The following NUP160 variants were observed in gnomAD, a reference collection of about 807,000 sequenced individuals.
NUP160 encodes the protein nucleoporin 160.
In NUP160, 94 loss-of-function variants were observed where a neutral mutation model predicts 196.9. The observed-to-expected ratio is 0.48, with a 90% confidence interval of 0.40 to 0.57. The LOEUF (loss-of-function observed/expected upper bound fraction) is 0.57. Ranked by LOEUF, NUP160 falls within the 20% of genes least tolerant of loss-of-function variation. NUP160 has a pLI of 0.00. For missense variants in NUP160, 1,638 were observed against 1,748.3 expected (o/e 0.94, Z 1.13); for synonymous variants, 605 against 619.7 (o/e 0.98, Z 0.35).
At chr11:47,778,953 T>TTCCGCCCTCC in exon 36 of NUP160, 1 of 605,714 alleles carries the variant, frequency 1.7e-6, no homozygotes, top group Admixed American at 2.9e-5. Flanking sequence ...CCTCTGACTC[T>TTCCGCCCTCC]TCCGCCCTCC....
exon 13 of NUP160, chr11:47,815,605 A>T (rs1282342180): frequency 1.9e-6 from 3 of 1,611,998 alleles, no homozygotes; most frequent in Non-Finnish European, 2.5e-6. Flanking sequence ...GTAAATTTCG[A>T]AACTCCTCCT....
chr11:47,844,348 G>A (rs1599352683), intron 2 of NUP160, among the ~76,000 whole-genome samples: 1 of 152,102 alleles, frequency 6.6e-6, no homozygotes. Flanking sequence ...ACCTTCCACA[G>A]CTTCTTCTCA....
At chr11:47,780,486 T>G in intron 34 of NUP160, 39 bp from the exon 35 acceptor site, 1 of 1,370,760 alleles carries the variant, frequency 7.3e-7, no homozygotes, top group Non-Finnish European at 1.0e-6. Flanking sequence ...GTCTGCAAAG[T>G]GTACCATTTC....
Position 47,812,990 on chromosome 11 carries a change from T to A in NUP160, c.1844A>T (p.Glu615Val), listed in dbSNP as rs748939629. 21 of 1,612,732 alleles carry A rather than the reference T, an allele frequency of 1.3e-5. No individual in the cohort carries two copies. In the South Asian group the frequency reaches 2.2e-4, roughly 17 times the overall value. Residue 615 changes from glutamate (E) to valine (V), a missense_variant, in exon 15 of 36, where the codon GAG (glutamate) becomes GTG (valine). Physicochemically the swap from Glu to Val is moderately radical, Grantham distance 121 (BLOSUM62 -2). Transcript: ENST00000378460. ...AACTGACATATCCACAGTTACTGAC[T>A]CTTCAATCAGCCGGAGGCATTTTAT...
chr11:47,847,953 GCAGTC>G lies in NUP160; in HGVS notation c.204_208del (p.Thr69LysfsTer11). 6.2e-7 allele frequency: 1 copy of G among 1,613,478 alleles called. No individual in the cohort carries two copies. Among genetic ancestry groups the G allele is most frequent in the Non-Finnish European group, 8.5e-7 (1 of 1,179,420 alleles). ...TTTTACGGCGCCAGCCACGGCATTT[GCAGTC>G]CCTGCAAAATGAACGTGGTCAGCCT... On this transcript the variant is annotated frameshift_variant and splice_region_variant, in exon 2 of 36. Transcript: ENST00000378460. LOFTEE classifies it high-confidence loss of function.
At chr11:47,829,078 A>C (rs1025231492) in intron 7 of NUP160, among the ~76,000 whole-genome samples, 1 of 152,200 alleles carries the variant, frequency 6.6e-6, no homozygotes, top group Non-Finnish European at 1.5e-5. Flanking sequence ...AAAAGCAACA[A>C]AAGAAAAAAT....
chr11:47,820,926 T>A (rs1851843958), intron 9 of NUP160, among the ~76,000 whole-genome samples: 1 of 152,132 alleles, frequency 6.6e-6, no homozygotes, highest in Non-Finnish European at 1.5e-5. Flanking sequence ...CAGGCAATCC[T>A]CCCACCTTAG....
chr11:47,847,855 T>C (rs760454805), exon 2 of NUP160: 3 of 1,611,028 alleles, frequency 1.9e-6, no homozygotes, highest in Non-Finnish European at 2.5e-6. Context: ...TACCAATGAA[T>C]GAACCTGTTT....
exon 12 of NUP160, chr11:47,816,003 A>T (rs749842229): frequency 3.8e-5 from 62 of 1,613,564 alleles, no homozygotes; most frequent in Non-Finnish European, 5.1e-5. Flanking sequence ...AAAGATCCAA[A>T]TTCCTCTCAG....
Position 47,819,143 on chromosome 11 carries a change from G to A in NUP160, c.1362+231C>T, listed in dbSNP as rs1162234469. Among the ~76,000 whole-genome samples the A allele has an allele frequency of 5.9e-5, 9 of 151,896 alleles. No individual in the cohort carries two copies. In the South Asian group the frequency reaches 6.2e-4, roughly 11 times the overall value. ...AGCCTGAACAACATGGTGAAACCCCGTCTCTACAAAAGTACAAAAATTAGC... is the reference window on the plus strand; with the variant it reads ...AGCCTGAACAACATGGTGAAACCCCATCTCTACAAAAGTACAAAAATTAGC... On this transcript the variant is annotated intron_variant, in intron 10 of 35. Coordinates refer to ENST00000378460, the Ensembl canonical transcript of NUP160.
chr11:47,798,372 CT>C lies in NUP160; in HGVS notation c.2986del (p.Ser996ValfsTer5). ...CAAATTGCAGCCAATTCTTACCTGACTTTTCCAGTCATCACCTGCTTCAGTT... is the reference window on the plus strand; with the variant it reads ...CAAATTGCAGCCAATTCTTACCTGACTTTCCAGTCATCACCTGCTTCAGTT... On this transcript the variant is annotated frameshift_variant, in exon 24 of 36. Transcript: ENST00000378460. LOFTEE classifies it high-confidence loss of function. The C allele has an allele frequency of 6.2e-7, 1 of 1,607,708 alleles. No homozygotes were observed. The highest frequency in any genetic ancestry group is 8.5e-7 in the Non-Finnish European group (1 of 1,174,576).
exon 36 of NUP160, chr11:47,778,863 T>C (rs1045683663): frequency 2.5e-5 from 9 of 359,992 alleles, no homozygotes; most frequent in African/African-American, 1.9e-4. Context: ...AAAAAGCTCG[T>C]GAATCATATA....
intron 3 of NUP160, 144 bp downstream of exon 3, chr11:47,840,234 T>C (rs770897802): frequency 4.7e-6 from 4 of 851,070 alleles, no homozygotes; most frequent in Non-Finnish European, 5.9e-6. Flanking sequence ...CTGATCATTT[T>C]AAGCGGTAGC....
At chr11:47,802,785 G>A (rs1044325671) in intron 22 of NUP160, among the ~76,000 whole-genome samples, 3 of 151,686 alleles carry the variant, frequency 2.0e-5, no homozygotes, top group Non-Finnish European at 2.9e-5. Flanking sequence ...GACCAGCCTG[G>A]GCAACATGGG....
intron 20 of NUP160, among the ~76,000 whole-genome samples, chr11:47,805,290 C>G (rs1481638996): frequency 6.6e-6 from 1 of 151,816 alleles, no homozygotes; most frequent in African/African-American, 2.4e-5. Flanking sequence ...CCACCAAGCC[C>G]AGCTAATTTT....
rs774668683 is a variant in NUP160 at position 47,812,018 on chromosome 11, A to G, written c.2241+46T>C. The G allele has an allele frequency of 5.0e-6, 8 of 1,598,464 alleles. No homozygotes were observed. The Admixed American group carries it at 1.0e-4, about 20-fold the overall frequency. ...TTTGCTCCTAAGTGCTTGTAGGCCT[A>G]TAACAGGTTTTAGATTTTACAAGTT... On this transcript the variant is annotated intron_variant, in intron 17 of 35. Transcript: ENST00000378460.
intron 14 of NUP160, 105 bp from the exon 15 acceptor site, chr11:47,813,152 G>C: frequency 3.0e-6 from 3 of 1,016,784 alleles, no homozygotes; most frequent in Non-Finnish European, 4.4e-6. Context: ...ATCTATCTGA[G>C]GTCTCAGAGA....
At position 47,846,395 on chromosome 11, in the gene NUP160, A is replaced by T. The variant is rs915562653; in HGVS notation, c.314+1453T>A. On this transcript the variant is annotated intron_variant, in intron 2 of 35. Transcript: ENST00000378460. ...AAAGGGCTGCTCCCCAGGTACTTCA[A>T]ATTTACTATGTCCAATAGAATTATT... Among the ~76,000 whole-genome samples the T allele has an allele frequency of 7.9e-5, 12 of 152,128 alleles. 1 individual carries two copies. The South Asian group carries it at 2.5e-3, about 32-fold the overall frequency.
intron 19 of NUP160, among the ~76,000 whole-genome samples, chr11:47,806,792 C>T (rs11039406): frequency 0.16 from 1,950 of 12,346 alleles, 71 homozygotes; most frequent in South Asian, 0.25. Context: ...AGCAGCTATA[C>T]ACACACACAC....
Sources: gnomAD v4.1 joint callset for allele counts (sites outside exome capture counted in the v4.1 genomes callset) on GRCh38, gnomAD v4.1.1 for gene constraint, MANE v1.5 for transcripts, NCBI Gene and HGNC (gene_info 2026-07-23, HGNC 2026-07-21) for gene names.